HSD17B3: variants seen among roughly 807,000 people sequenced by gnomAD.
HSD17B3 encodes the protein 17-beta-hydroxysteroid dehydrogenase type 3.
HSD17B3 carries 29 observed loss-of-function variants against 41.1 expected under a neutral mutation model. The ratio of observed to expected loss-of-function variants is 0.71; its 90% CI spans 0.53 to 0.96. The LOEUF (loss-of-function observed/expected upper bound fraction) is 0.96. Among genes scored for constraint, HSD17B3 ranks in the 40% least tolerant of loss-of-function variants. The pLI is 0.00. For missense variants in HSD17B3, 323 were observed against 374.6 expected (o/e 0.86, Z 1.14); for synonymous variants, 126 against 145.6 (o/e 0.87, Z 0.97).
rs566654885 is a variant in HSD17B3, at chr9:96,263,448, T to TGGCTC, written c.202-8510_202-8506dup. The stretch of plus-strand genomic sequence containing the variant: ...AATAAGCTACAAGAGTGGGGCACGG[T>TGGCTC]GGCTCACGCCTGTAATCCCAGCACT... On this transcript the variant is annotated intron_variant, in intron 2 of 10. Coordinates refer to ENST00000375263, the MANE Select transcript of HSD17B3 (RefSeq NM_000197.2). 2.0e-5 allele frequency among the ~76,000 whole-genome samples: 3 copies of TGGCTC among 152,080 alleles called. No homozygotes were observed. The South Asian group carries it at 6.2e-4, about 32-fold the overall frequency.
chr9:96,300,829 A>T (rs1827570140), intron 1 of HSD17B3, among the ~76,000 whole-genome samples: 1 of 152,322 alleles, frequency 6.6e-6, no homozygotes, highest in African/African-American at 2.4e-5. Context: ...ATTCCATTCC[A>T]TACCATCCTG....
chr9:96,299,939 T>TC (rs1394237116), intron 1 of HSD17B3, among the ~76,000 whole-genome samples: 1 of 152,152 alleles, frequency 6.6e-6, no homozygotes, highest in Non-Finnish European at 1.5e-5. Context: ...ACTCTATCCA[T>TC]CTTGACTCAT....
chr9:96,284,281 CTGTTT>C (rs1273130113), intron 2 of HSD17B3, among the ~76,000 whole-genome samples: 2 of 137,538 alleles, frequency 1.5e-5, no homozygotes, highest in East Asian at 2.2e-4. Flanking sequence ...TAAAATGTTA[CTGTTT>C]TGTTTTGTTT....
At chr9:96,245,313 G>A (rs912778811) in intron 8 of HSD17B3, 32 bp downstream of exon 8, 1 of 1,527,064 alleles carries the variant, frequency 6.5e-7, no homozygotes, top group South Asian at 1.1e-5. Context: ...AGAGGAAGAA[G>A]GAAGAGACTT....
chr9:96,290,133 G>A (rs1827091564), intron 2 of HSD17B3, among the ~76,000 whole-genome samples: 1 of 151,968 alleles, frequency 6.6e-6, no homozygotes, highest in South Asian at 2.1e-4. Flanking sequence ...GGAAGAGTGG[G>A]CCCACTCTCT....
At chr9:96,265,944 CACAGA>C (rs1210343297) in intron 2 of HSD17B3, among the ~76,000 whole-genome samples, 1 of 152,124 alleles carries the variant, frequency 6.6e-6, no homozygotes, top group Admixed American at 6.5e-5. Context: ...CATGTCTAAA[CACAGA>C]ATAGGGGCAG....
In HSD17B3 at chr9:96,281,750, C is replaced by T. The variant is rs115634706; in HGVS notation, c.201+16666G>A. Among the ~76,000 whole-genome samples the T allele has an allele frequency of 3.4e-3, 521 of 152,286 alleles. 7 individuals carry two copies. The highest frequency in any genetic ancestry group is 0.011 in the African/African-American group (473 of 41,544). On this transcript the variant is annotated intron_variant, in intron 2 of 10. Coordinates refer to ENST00000375263, the MANE Select transcript of HSD17B3 (RefSeq NM_000197.2). ...GGGAACTTAAGAGCTGATGAGACTG[C>T]AGGAAAAGATCCCTTCACTACTGAC...
At chr9:96,262,862 A>C (rs1332606262) in intron 2 of HSD17B3, among the ~76,000 whole-genome samples, 1 of 152,152 alleles carries the variant, frequency 6.6e-6, no homozygotes, top group African/African-American at 2.4e-5. Flanking sequence ...CTCTGAATCA[A>C]CATTGGATTT....
At position 96,255,367 on chromosome 9, in the gene HSD17B3, C is replaced by CTTTTTTTTTTTTTTTTTTTTTTTTTTTTT. The variant is rs869145717; in HGVS notation, c.202-453_202-425dup. Among the ~76,000 whole-genome samples the CTTTTTTTTTTTTTTTTTTTTTTTTTTTTT allele has an allele frequency of 5.5e-5, 3 of 54,564 alleles. 1 individual carries two copies. The highest frequency in any genetic ancestry group is 1.0e-4 in the Non-Finnish European group (3 of 29,474). The allele number at this position is 54,564 out of a possible 152,430, so 35.8% of individuals were successfully genotyped here. ...AAGCAGTGTTTCTGCCCCAACATTTCTTTTTTTTTTTTTTTTTTTTTTTTT... is the reference window on the plus strand; with the variant it reads ...AAGCAGTGTTTCTGCCCCAACATTTCTTTTTTTTTTTTTTTTTTTTTTTTTTTTTTTTTTTTTTTTTTTTTTTTTTTTTT... On this transcript the variant is annotated intron_variant, in intron 2 of 10. Coordinates refer to ENST00000375263, the MANE Select transcript of HSD17B3 (RefSeq NM_000197.2).
At chr9:96,281,642 C>T (rs1163895341) in intron 2 of HSD17B3, among the ~76,000 whole-genome samples, 4 of 152,166 alleles carry the variant, frequency 2.6e-5, no homozygotes, top group Non-Finnish European at 4.4e-5. Flanking sequence ...ATCTGCCTTT[C>T]GCTCTTTGCT....
chr9:96,283,002 T>TC (rs1826761169), intron 2 of HSD17B3, among the ~76,000 whole-genome samples: 1 of 93,290 alleles, frequency 1.1e-5, no homozygotes. Flanking sequence ...CTTTTTTTTT[T>TC]TTTTTTTTTT....
intron 6 of HSD17B3, among the ~76,000 whole-genome samples, chr9:96,248,955 G>A (rs1007801296): frequency 9.4e-5 from 14 of 149,326 alleles, no homozygotes; most frequent in African/African-American, 2.7e-4. Flanking sequence ...GCCCAGGCTC[G>A]ACTGCAGTGA....
chr9:96,285,429 T>C lies in HSD17B3; in HGVS notation c.201+12987A>G, dbSNP rs147464060. ...TGCTGTTCAGAAGAAATAAGAGGAA[T>C]GGGTAATATAAAAATCTGAATCAGT... On this transcript the variant is annotated intron_variant, in intron 2 of 10. Transcript: ENST00000375263. 1.1e-3 allele frequency among the ~76,000 whole-genome samples: 171 copies of C among 152,218 alleles called. 6 individuals are homozygous for C. In the South Asian group the frequency reaches 0.02, roughly 17 times the overall value.
intron 10 of HSD17B3, among the ~76,000 whole-genome samples, chr9:96,240,087 G>A (rs1321289737): frequency 6.6e-6 from 1 of 152,132 alleles, no homozygotes; most frequent in Non-Finnish European, 1.5e-5. Context: ...TGGGGGGCAA[G>A]GGGAGAGAGA....
chr9:96,243,774 C>T (rs1255270246), intron 9 of HSD17B3, among the ~76,000 whole-genome samples: 1 of 152,192 alleles, frequency 6.6e-6, no homozygotes, highest in East Asian at 1.9e-4. Flanking sequence ...CAGGTCATCT[C>T]CACGATGACC....
At chr9:96,280,832 C>T (rs780697519) in intron 2 of HSD17B3, among the ~76,000 whole-genome samples, 1 of 152,106 alleles carries the variant, frequency 6.6e-6, no homozygotes, top group Non-Finnish European at 1.5e-5. Flanking sequence ...ACCAATATGG[C>T]GAGGAGAGTG....
Position 96,273,066 on chromosome 9 carries a change from A to G in HSD17B3, c.202-18123T>C, listed in dbSNP as rs1171328009. Among the ~76,000 whole-genome samples, 4 of 152,340 alleles carry G rather than the reference A, an allele frequency of 2.6e-5. No individual in the cohort carries two copies. In the East Asian group the frequency reaches 7.7e-4, roughly 29 times the overall value. ...GGTTCCCAGAAGGGACTGGGAGGAAAGTGGGTGTGGCTATAAAATGGCAGC... is the reference window on the plus strand; with the variant it reads ...GGTTCCCAGAAGGGACTGGGAGGAAGGTGGGTGTGGCTATAAAATGGCAGC... On this transcript the variant is annotated intron_variant, in intron 2 of 10. Transcript: ENST00000375263.
intron 2 of HSD17B3, among the ~76,000 whole-genome samples, chr9:96,281,549 A>G (rs574505707): frequency 2.6e-5 from 4 of 152,292 alleles, no homozygotes; most frequent in African/African-American, 9.6e-5. Flanking sequence ...GTCCCCTCTC[A>G]GAAAAGTCCC....
intron 4 of HSD17B3, among the ~76,000 whole-genome samples, 183 bp from the exon 5 acceptor site, chr9:96,251,668 G>A (rs1291449833): frequency 6.6e-6 from 1 of 152,214 alleles, no homozygotes; most frequent in African/African-American, 2.4e-5. Flanking sequence ...TCATGGGGTT[G>A]TCATATGTTG....
Sources: allele counts gnomAD v4.1 joint callset (sites outside exome capture counted in the v4.1 genomes callset), GRCh38; gene constraint gnomAD v4.1.1; transcripts MANE v1.5; gene names NCBI Gene and HGNC (gene_info 2026-07-23, HGNC 2026-07-21).